The following OXR1 variants were observed in gnomAD, a reference collection of about 807,000 sequenced individuals.
The protein encoded by OXR1 is oxidation resistance 1.
OXR1 carries 41 observed loss-of-function variants against 104.6 expected under a neutral mutation model. The observed-to-expected ratio is 0.39, with a 90% CI of 0.31 to 0.51. The LOEUF is 0.51. Among genes scored for constraint, OXR1 ranks in the 20% least tolerant of loss-of-function variants. The pLI, the probability that OXR1 is intolerant of heterozygous loss-of-function variation, is 0.77. For missense variants in OXR1, 955 were observed against 1,031.9 expected (o/e 0.93, Z 1.02); for synonymous variants, 348 against 348.4 (o/e 1.00, Z 0.01).
intron 2 of OXR1, among the ~76,000 whole-genome samples, chr8:106,487,126 C>T (rs112160801): frequency 0.013 from 1,897 of 150,752 alleles, 41 homozygotes; most frequent in East Asian, 0.082. Flanking sequence ...CGGGTTCAAG[C>T]GATTCTCCTG....
intron 3 of OXR1, among the ~76,000 whole-genome samples, chr8:106,626,597 T>G (rs1201655643): frequency 6.9e-6 from 1 of 144,868 alleles, no homozygotes. Flanking sequence ...TCTTAGGTTT[T>G]TTTTTTTTTT....
At chr8:106,287,398 C>A (rs1812544668) in intron 1 of OXR1, among the ~76,000 whole-genome samples, 2 of 152,076 alleles carry the variant, frequency 1.3e-5, no homozygotes, top group South Asian at 4.1e-4. Flanking sequence ...GGTTACTAAG[C>A]TATAAGAAGA....
chr8:106,458,650 C>G (rs1820739960), intron 2 of OXR1, among the ~76,000 whole-genome samples: 2 of 152,208 alleles, frequency 1.3e-5, no homozygotes, highest in South Asian at 4.2e-4. Flanking sequence ...GCATGAGACT[C>G]TAACCTAGGA....
At chr8:106,286,115 CAG>C (rs1337091176) in intron 1 of OXR1, among the ~76,000 whole-genome samples, 1 of 152,132 alleles carries the variant, frequency 6.6e-6, no homozygotes, top group Non-Finnish European at 1.5e-5. Flanking sequence ...GGGATTTTGA[CAG>C]AACACTAAAA....
At chr8:106,561,716 T>A (rs1563606743) in intron 3 of OXR1, among the ~76,000 whole-genome samples, 1 of 152,106 alleles carries the variant, frequency 6.6e-6, no homozygotes, top group African/African-American at 2.4e-5. Context: ...AGACACCTCA[T>A]CCAGGAGAGC....
At chr8:106,491,694 A>G (rs756791692) in intron 2 of OXR1, among the ~76,000 whole-genome samples, 10 of 152,138 alleles carry the variant, frequency 6.6e-5, no homozygotes, top group Non-Finnish European at 1.0e-4. Flanking sequence ...TGGTTAGAAG[A>G]ACCACCTCCA....
At chr8:106,569,071 T>C (rs1462131331) in intron 3 of OXR1, among the ~76,000 whole-genome samples, 1 of 152,130 alleles carries the variant, frequency 6.6e-6, no homozygotes, top group Non-Finnish European at 1.5e-5. Context: ...ATTCCATATA[T>C]CTTTTTGTGT....
chr8:106,576,180 G>C (rs971183780), intron 3 of OXR1, among the ~76,000 whole-genome samples: 1 of 151,756 alleles, frequency 6.6e-6, no homozygotes, highest in Admixed American at 6.6e-5. Flanking sequence ...TATACTAAGA[G>C]GGAAAGCTGG....
chr8:106,517,904 G>T (rs748619104), intron 2 of OXR1, among the ~76,000 whole-genome samples: 3 of 152,044 alleles, frequency 2.0e-5, no homozygotes, highest in Non-Finnish European at 4.4e-5. Flanking sequence ...CAAAGCTTTT[G>T]CTGTGGAAAA....
chr8:106,389,731 G>A (rs1817520751), intron 2 of OXR1, among the ~76,000 whole-genome samples: 1 of 151,948 alleles, frequency 6.6e-6, no homozygotes, highest in Admixed American at 6.6e-5. Context: ...AATTTTTGGG[G>A]GTATATATGG....
chr8:106,496,876 T>A (rs1290033384), intron 2 of OXR1, among the ~76,000 whole-genome samples: 2 of 152,150 alleles, frequency 1.3e-5, no homozygotes, highest in Non-Finnish European at 2.9e-5. Flanking sequence ...TGAACTAGTG[T>A]GGCCCAATGT....
chr8:106,386,355 T>C (rs912062228), intron 2 of OXR1, among the ~76,000 whole-genome samples: 32 of 152,186 alleles, frequency 2.1e-4, no homozygotes, highest in Non-Finnish European at 3.7e-4. Context: ...CAGAAGACTC[T>C]GAATAGGGTA....
At chr8:106,646,459 A>T (rs1824092524) in intron 3 of OXR1, among the ~76,000 whole-genome samples, 2 of 152,202 alleles carry the variant, frequency 1.3e-5, no homozygotes, top group South Asian at 4.1e-4. Flanking sequence ...AAAATTAGCT[A>T]AAAGCTATAT....
intron 3 of OXR1, among the ~76,000 whole-genome samples, chr8:106,611,563 G>C (rs1820813239): frequency 6.6e-6 from 1 of 152,190 alleles, no homozygotes; most frequent in African/African-American, 2.4e-5. Flanking sequence ...GAATTGGATA[G>C]ACCCTGGAGA....
At chr8:106,536,555 G>A (rs574582623) in intron 3 of OXR1, among the ~76,000 whole-genome samples, 6 of 152,282 alleles carry the variant, frequency 3.9e-5, no homozygotes, top group East Asian at 3.9e-4. Flanking sequence ...GATGTAACTT[G>A]ACTAAGCTAA....
intron 3 of OXR1, among the ~76,000 whole-genome samples, chr8:106,674,995 A>G (rs1227848471): frequency 3.9e-5 from 6 of 152,218 alleles, no homozygotes; most frequent in Non-Finnish European, 4.4e-5. Context: ...ATAAGGATAC[A>G]GAAATGTTGA....
chr8:106,310,487 T>A (rs1813653518), intron 1 of OXR1, among the ~76,000 whole-genome samples: 3 of 152,186 alleles, frequency 2.0e-5, no homozygotes, highest in Non-Finnish European at 4.4e-5. Flanking sequence ...TTTGCTTTTC[T>A]CCTGTCTTGG....
intron 1 of OXR1, among the ~76,000 whole-genome samples, chr8:106,271,033 G>C (rs1192164882): frequency 1.3e-5 from 2 of 152,118 alleles, no homozygotes; most frequent in Non-Finnish European, 2.9e-5. Context: ...CTGGGGAAAG[G>C]ATGGATGTAG....
At chr8:106,525,171 G>T (rs183013555) in intron 3 of OXR1, among the ~76,000 whole-genome samples, 2 of 152,308 alleles carry the variant, frequency 1.3e-5, no homozygotes, top group Admixed American at 1.3e-4. Context: ...GAGGAGAGGA[G>T]GGAGTCTGCT....
Sources: allele counts gnomAD v4.1 joint callset (sites outside exome capture counted in the v4.1 genomes callset), GRCh38; gene constraint gnomAD v4.1.1; transcripts MANE v1.5; gene names NCBI Gene and HGNC (gene_info 2026-07-23, HGNC 2026-07-21).